The following DPYSL2 variants were observed in gnomAD, a reference collection of about 807,000 sequenced individuals.
DPYSL2 encodes the protein dihydropyrimidinase-related protein 2.
DPYSL2 carries 13 observed loss-of-function variants against 69.9 expected under a neutral mutation model. The ratio of observed to expected loss-of-function variants is 0.19; its 90% CI spans 0.12 to 0.30. DPYSL2 has a LOEUF of 0.30. DPYSL2 is among the 10% of genes least tolerant of loss of function. The pLI is 1.00. For missense variants in DPYSL2, 587 were observed against 918.9 expected, an observed-to-expected ratio of 0.64 and a Z score of 4.67; for synonymous variants, 326 against 359.1, an observed-to-expected ratio of 0.91 and a Z score of 1.04.
At position 26,610,838 on chromosome 8, in the gene DPYSL2, T is replaced by C. The variant is rs1261416176; in HGVS notation, c.629-13305T>C. On this transcript the variant is annotated intron_variant, in intron 3 of 13. Coordinates refer to ENST00000521913, the MANE Select transcript of DPYSL2 (RefSeq NM_001197293.3). This position sits in a 1 kb window ranked among gnomAD's most constrained non-coding sequence, Gnocchi z 4.5. Reference sequence around the variant, plus strand: ...CACACGATTTTGTAGGCCCTACTGTTGTTAGCTGTTCGTAGATACTATTTC... The same window carrying C: ...CACACGATTTTGTAGGCCCTACTGTCGTTAGCTGTTCGTAGATACTATTTC... 6.6e-6 allele frequency among the ~76,000 whole-genome samples: 1 copy of C among 152,208 alleles called. No individual in the cohort carries two copies. Among genetic ancestry groups the C allele is most frequent in the East Asian group, 1.9e-4 (1 of 5,202 alleles).
At chr8:26,618,270 A>G (rs1049334568) in intron 3 of DPYSL2, among the ~76,000 whole-genome samples, 4 of 150,610 alleles carry the variant, frequency 2.7e-5, no homozygotes, top group South Asian at 2.1e-4. Context: ...CCTACGCTTT[A>G]TTATGTAAAC....
Position 26,643,322 on chromosome 8 carries a change from C to A in DPYSL2, c.1127-117C>A. On this transcript the variant is annotated intron_variant, in intron 8 of 13. Transcript: ENST00000521913. The surrounding 1 kb of genome is among the most constrained non-coding windows in gnomAD (Gnocchi z 6.5). Reference sequence around the variant, plus strand: ...CATCTGCGAGATGAGCCTGATATTTCCTATAAAGGGATAGTGAGTGCACTG... The same window carrying A: ...CATCTGCGAGATGAGCCTGATATTTACTATAAAGGGATAGTGAGTGCACTG... 8.9e-7 allele frequency: 1 copy of A among 1,121,130 alleles called. No homozygotes were observed. The highest frequency in any genetic ancestry group is 1.3e-6 in the Non-Finnish European group (1 of 797,748). The allele number at this position is 1,121,130 out of a possible 1,614,324, so 69.4% of individuals were successfully genotyped here.
chr8:26,583,682 C>G, intron 2 of DPYSL2, 117 bp from the exon 3 acceptor site: 1 of 927,304 alleles, frequency 1.1e-6, no homozygotes, highest in Non-Finnish European at 1.6e-6. Flanking sequence ...TAACAATGAT[C>G]TGAAAAGCCC....
intron 7 of DPYSL2, 147 bp from the exon 8 acceptor site, chr8:26,634,633 C>T: frequency 1.5e-6 from 2 of 1,366,496 alleles, no homozygotes; most frequent in Non-Finnish European, 2.0e-6. Context: ...CAAGGCAAGT[C>T]ATACTCCTTT....
Position 26,655,914 on chromosome 8 carries a change from C to T in DPYSL2, c.*208C>T. On this transcript the variant is annotated 3_prime_UTR_variant, in exon 14 of 14. Transcript: ENST00000521913. ...TTACTGATTTTGCTCATCCACTTCC[C>T]TACACATCTATGGGTATCACACCCA... 1 of 457,766 alleles carries T rather than the reference C, an allele frequency of 2.2e-6. No individual in the cohort carries two copies. The highest frequency in any genetic ancestry group is 3.9e-6 in the Non-Finnish European group (1 of 256,232). 28.4% of individuals were successfully genotyped at this position (457,766 alleles called of 1,614,324 possible). A position where few individuals can be genotyped will look rare whatever the true frequency, so the allele number is the denominator to read the frequency against.
At chr8:26,541,182 A>C (rs1800679960) in intron 1 of DPYSL2, among the ~76,000 whole-genome samples, 1 of 152,224 alleles carries the variant, frequency 6.6e-6, no homozygotes, top group African/African-American at 2.4e-5. Flanking sequence ...TTTTAAGAGA[A>C]TTTCTGTAAG....
chr8:26,545,617 A>T (rs945425899), intron 1 of DPYSL2, among the ~76,000 whole-genome samples: 3 of 152,092 alleles, frequency 2.0e-5, no homozygotes, highest in African/African-American at 7.2e-5. Context: ...AATACAAAAA[A>T]TTAGCTGGGC....
intron 1 of DPYSL2, among the ~76,000 whole-genome samples, chr8:26,523,037 A>G (rs1042648726): frequency 1.3e-5 from 2 of 152,050 alleles, no homozygotes; most frequent in African/African-American, 4.8e-5. Context: ...GTAGCTCAGT[A>G]TTCTTGAGTG....
chr8:26,525,377 T>C lies in DPYSL2; in HGVS notation c.354+10698T>C, dbSNP rs1172379313. On this transcript the variant is annotated intron_variant, in intron 1 of 13. Transcript: ENST00000521913. ...TTGGGACTACAGGCACATGCCACCA[T>C]GGCTGGCTAACTTTTAAATGTTTTT... Among the ~76,000 whole-genome samples, 3 of 152,170 alleles carry C rather than the reference T, an allele frequency of 2.0e-5. No individual in the cohort carries two copies. The East Asian group carries it at 5.8e-4, about 29-fold the overall frequency.
Position 26,652,310 on chromosome 8 carries a change from G to C in DPYSL2, c.1650G>C (p.Val550=). The C allele has an allele frequency of 3.7e-6, 6 of 1,614,206 alleles. No individual in the cohort carries two copies. The highest frequency in any genetic ancestry group is 5.1e-6 in the Non-Finnish European group (6 of 1,180,030). ...EGMECRGSPL[V]VISQGKIVLE... The stretch of plus-strand genomic sequence containing the variant: ...TGGAGTGCCGCGGCTCCCCACTGGT[G>C]GTCATCAGCCAGGGGAAGATTGTCC... The change falls in exon 12 of 14, where the codon GTG becomes GTC. Residue 550 remains valine, a synonymous_variant. Transcript: ENST00000521913. The surrounding 1 kb of genome is among the most constrained non-coding windows in gnomAD (Gnocchi z 6.3).
chr8:26,592,188 G>A (rs531446735), intron 3 of DPYSL2, among the ~76,000 whole-genome samples: 1 of 152,308 alleles, frequency 6.6e-6, no homozygotes, highest in South Asian at 2.1e-4. Flanking sequence ...TAGAAACGGT[G>A]TCTCACTCTA....
rs1198675453 is a variant in DPYSL2 at position 26,647,698 on chromosome 8, C to T, written c.1494C>T (p.Asn498=). 3.1e-6 allele frequency: 5 copies of T among 1,614,200 alleles called. No homozygotes were observed. The highest frequency in any genetic ancestry group is 4.2e-6 in the Non-Finnish European group (5 of 1,180,042). Residue 498 remains asparagine, a synonymous_variant, in exon 11 of 14, where the codon AAC becomes AAT. Transcript: ENST00000521913. The surrounding 1 kb of genome is among the most constrained non-coding windows in gnomAD (Gnocchi z 5.1). Reference sequence around the variant, plus strand: ...GCACCAATGCAGCCAAAGTCTTCAACCTTTACCCCCGGAAAGGCCGCATTG... The same window carrying T: ...GCACCAATGCAGCCAAAGTCTTCAATCTTTACCCCCGGAAAGGCCGCATTG... ...VTSTNAAKVF[N]LYPRKGRIAV... is the part of the protein sequence containing the mutation.
At position 26,655,778 on chromosome 8, in the gene DPYSL2, C is replaced by T; in HGVS notation, c.*72C>T. 2 of 1,237,552 alleles carry T rather than the reference C, an allele frequency of 1.6e-6. No homozygotes were observed. The highest frequency in any genetic ancestry group is 2.2e-6 in the Non-Finnish European group (2 of 914,458). 76.7% of individuals were successfully genotyped at this position (1,237,552 alleles called of 1,614,324 possible). On this transcript the variant is annotated 3_prime_UTR_variant, in exon 14 of 14. Coordinates refer to ENST00000521913, the MANE Select transcript of DPYSL2 (RefSeq NM_001197293.3). ...GAGGACATTCTGAGACTTCTTTCTT[C>T]CTTCCTTTTTTTTTTTTTGTTTTTT...
intron 3 of DPYSL2, among the ~76,000 whole-genome samples, chr8:26,595,415 G>A (rs1025736415): frequency 4.6e-5 from 7 of 152,002 alleles, no homozygotes; most frequent in African/African-American, 1.2e-4. Context: ...AAAACAGCCC[G>A]TCAAATCAAT....
At chr8:26,537,611 TAC>T (rs56080102) in intron 1 of DPYSL2, among the ~76,000 whole-genome samples, 2 of 147,530 alleles carry the variant, frequency 1.4e-5, no homozygotes, top group African/African-American at 5.0e-5. Context: ...ATTCTCTCTC[TAC>T]ACACACACAC....
At chr8:26,563,162 G>C (rs62491876) in intron 1 of DPYSL2, among the ~76,000 whole-genome samples, 1 of 152,128 alleles carries the variant, frequency 6.6e-6, no homozygotes, top group African/African-American at 2.4e-5. Context: ...GGATGCCAAA[G>C]AATTTGTGGC....
rs944080041 is a variant in DPYSL2 at position 26,620,966 on chromosome 8, TATAA to T, written c.629-3173_629-3170del. Among the ~76,000 whole-genome samples the T allele has an allele frequency of 1.3e-5, 2 of 152,238 alleles. No individual in the cohort carries two copies. The highest frequency in any genetic ancestry group is 2.9e-5 in the Non-Finnish European group (2 of 68,050). On this transcript the variant is annotated intron_variant, in intron 3 of 13. Coordinates refer to ENST00000521913, the MANE Select transcript of DPYSL2 (RefSeq NM_001197293.3). The surrounding 1 kb of genome is among the most constrained non-coding windows in gnomAD (Gnocchi z 4.5). ...CATATTTTACATACACATATACACA[TATAA>T]ATACACACGTACATACATACACATA...
At chr8:26,577,593 T>A (rs1317578320) in intron 1 of DPYSL2, among the ~76,000 whole-genome samples, 1 of 148,988 alleles carries the variant, frequency 6.7e-6, no homozygotes, top group African/African-American at 2.5e-5. Context: ...CCCCGCCGTC[T>A]CGGGGTGCCG....
At chr8:26,604,900 T>C (rs1214006133) in intron 3 of DPYSL2, among the ~76,000 whole-genome samples, 1 of 151,986 alleles carries the variant, frequency 6.6e-6, no homozygotes, top group East Asian at 1.9e-4. Flanking sequence ...CCTCAAGTTA[T>C]TCACCCACCT....
Sources: gnomAD v4.1 joint callset for allele counts (sites outside exome capture counted in the v4.1 genomes callset) on GRCh38, gnomAD v4.1.1 for gene constraint, Gnocchi (gnomAD v3.1) non-coding constraint, MANE v1.5 for transcripts, NCBI Gene and HGNC (gene_info 2026-07-23, HGNC 2026-07-21) for gene names.